The following FANCD2 variants were observed in gnomAD, a reference collection of about 807,000 sequenced individuals.
The protein encoded by FANCD2 is FA complementation group D2, also known as Fanconi anemia group D2 protein.
In FANCD2, 131 loss-of-function variants were observed where a neutral mutation model predicts 192.3. The ratio of observed to expected loss-of-function variants is 0.68; its 90% CI spans 0.59 to 0.79. The LOEUF is 0.79. Among genes scored for constraint, FANCD2 ranks in the 30% least tolerant of loss-of-function variants. The pLI, the probability that FANCD2 is intolerant of heterozygous loss-of-function variation, is 0.00. For missense variants in FANCD2, 1,508 were observed against 1,701.6 expected, an observed-to-expected ratio of 0.89 and a Z score of 2.00; for synonymous variants, 524 against 612.5, an observed-to-expected ratio of 0.86 and a Z score of 2.13.
At chr3:10,085,172 T>C (rs1407030111) in intron 32 of FANCD2, among the ~76,000 whole-genome samples, 1 of 152,124 alleles carries the variant, frequency 6.6e-6, no homozygotes, top group Non-Finnish European at 1.5e-5. Flanking sequence ...ATCTCTAAAA[T>C]ATAGGGAATG....
chr3:10,038,356 A>G (rs2086782132), intron 7 of FANCD2, among the ~76,000 whole-genome samples: 1 of 152,104 alleles, frequency 6.6e-6, no homozygotes, highest in Admixed American at 6.6e-5. Flanking sequence ...CATCCTGGCT[A>G]GTCTTTTTCA....
chr3:10,028,072 C>G (rs2124959970), intron 1 of FANCD2, among the ~76,000 whole-genome samples: 1 of 144,974 alleles, frequency 6.9e-6, no homozygotes, highest in East Asian at 2.0e-4. Context: ...AAAAAAAATT[C>G]AAGGAGATTG....
rs767496500 is a variant in FANCD2 at position 10,078,107 on chromosome 3, C to G, written c.2886C>G (p.Pro962=). The G allele has an allele frequency of 2.2e-5, 36 of 1,613,610 alleles. No individual in the cohort carries two copies. The highest frequency in any genetic ancestry group is 3.1e-5 in the Non-Finnish European group (36 of 1,179,744). Residue 962 remains proline (P), a synonymous_variant, in exon 30 of 44, where the codon CCC becomes CCG. Transcript: ENST00000675286. ...CTACAGAAGTTGTGCAACTTGGGCC[C>G]CCTGAGCTGCTTTTCTTGCTGGAAG... ...TEATEVVQLG[P]PELLFLLEDL...
At chr3:10,043,423 A>G in intron 12 of FANCD2, 61 bp from the exon 13 acceptor site, 1 of 1,369,740 alleles carries the variant, frequency 7.3e-7, no homozygotes, top group Non-Finnish European at 1.0e-6. Context: ...AGGAACTCCG[A>G]TCTTGTAAGT....
chr3:10,069,510 G>C (rs1415237750), intron 26 of FANCD2, among the ~76,000 whole-genome samples: 1 of 114,024 alleles, frequency 8.8e-6, no homozygotes, highest in Non-Finnish European at 1.6e-5. Flanking sequence ...CTCTGATGCC[G>C]AGCCAAAGCT....
chr3:10,076,656 C>A (rs1377319108), intron 29 of FANCD2, among the ~76,000 whole-genome samples: 1 of 152,096 alleles, frequency 6.6e-6, no homozygotes, highest in Non-Finnish European at 1.5e-5. Flanking sequence ...ATCAAGTGAT[C>A]CTCCCACCTC....
chr3:10,083,887 C>G (rs1421916075), intron 32 of FANCD2, among the ~76,000 whole-genome samples: 1 of 43,842 alleles, frequency 2.3e-5, no homozygotes, highest in Non-Finnish European at 4.8e-5. Flanking sequence ...GACTCCGTCT[C>G]AAAAAAAAAA....
chr3:10,071,496 C>A (rs1352953603), intron 26 of FANCD2, among the ~76,000 whole-genome samples: 1 of 152,154 alleles, frequency 6.6e-6, no homozygotes, highest in African/African-American at 2.4e-5. Context: ...CAATGGAGTA[C>A]TATTCAGCCA....
At chr3:10,072,133 A>C (rs185891324) in intron 26 of FANCD2, among the ~76,000 whole-genome samples, 3 of 152,306 alleles carry the variant, frequency 2.0e-5, no homozygotes, top group African/African-American at 4.8e-5. Flanking sequence ...AAAATAACTA[A>C]AATAGTATAA....
At chr3:10,026,571 T>G in intron 1 of FANCD2, 98 bp downstream of exon 1, 1 of 252,242 alleles carries the variant, frequency 4.0e-6, no homozygotes, top group Non-Finnish European at 6.3e-6. Flanking sequence ...CCTCTGGGGC[T>G]CCGCGCCCCG....
chr3:10,094,190 A>G, intron 39 of FANCD2, 99 bp from the exon 40 acceptor site: 3 of 857,576 alleles, frequency 3.5e-6, no homozygotes, highest in Non-Finnish European at 3.9e-6. Flanking sequence ...ATATATAAAT[A>G]AGAAAATAAA....
intron 36 of FANCD2, among the ~76,000 whole-genome samples, chr3:10,090,065 A>G (rs183259704): frequency 1.3e-5 from 2 of 152,312 alleles, no homozygotes; most frequent in African/African-American, 2.4e-5. Context: ...TGCTTTTTCC[A>G]TACTACCATA....
intron 42 of FANCD2, among the ~76,000 whole-genome samples, chr3:10,096,999 G>T (rs557900765): frequency 2.0e-4 from 30 of 152,222 alleles, no homozygotes; most frequent in Admixed American, 5.2e-4. Context: ...AAAGCTGGGC[G>T]TCCGGGGGAG....
intron 37 of FANCD2, among the ~76,000 whole-genome samples, chr3:10,091,304 C>T (rs1413722692): frequency 6.6e-6 from 1 of 151,654 alleles, no homozygotes; most frequent in Non-Finnish European, 1.5e-5. Flanking sequence ...TGGTCTTGAA[C>T]TCATAGGCTC....
intron 26 of FANCD2, among the ~76,000 whole-genome samples, chr3:10,070,235 C>T (rs1257926914): frequency 1.3e-5 from 2 of 150,794 alleles, no homozygotes; most frequent in East Asian, 4.0e-4. Flanking sequence ...GCAGCCGCCC[C>T]ATCTGAGAAG....
chr3:10,048,204 A>G, intron 16 of FANCD2, 153 bp downstream of exon 16: 1 of 955,766 alleles, frequency 1.0e-6, no homozygotes, highest in South Asian at 1.5e-5. Flanking sequence ...TGATGAAAGG[A>G]AGAGACTTGA....
rs573900454 is a variant in FANCD2 at position 10,038,139 on chromosome 3, C to T, written c.492-1140C>T. ...CCGAGTAGCTGGGATTACAGGTGTG[C>T]GCCACCACACCCAGCTAATTTTTGG... is the stretch of plus-strand genomic sequence containing the variant. On this transcript the variant is annotated intron_variant, in intron 7 of 43. Coordinates refer to ENST00000675286, the MANE Select transcript of FANCD2 (RefSeq NM_001018115.3). 5.3e-5 allele frequency among the ~76,000 whole-genome samples: 8 copies of T among 152,066 alleles called. No individual in the cohort carries two copies. In the South Asian group the frequency reaches 1.0e-3, roughly 20 times the overall value.
chr3:10,087,269 T>C lies in FANCD2; in HGVS notation c.3466+5T>C. On this transcript the variant is annotated splice_donor_5th_base_variant and intron_variant, in intron 34 of 43. Transcript: ENST00000675286. Reference sequence around the variant, plus strand: ...CTCAGAACAAAGAAAAAATTGGTGATGGGCCTAGATCCTTTTTTTTTTTTT... The same window carrying C: ...CTCAGAACAAAGAAAAAATTGGTGACGGGCCTAGATCCTTTTTTTTTTTTT... The C allele has an allele frequency of 6.4e-7, 1 of 1,564,282 alleles. No individual in the cohort carries two copies.
At chr3:10,084,270 G>C (rs1349707860) in intron 32 of FANCD2, among the ~76,000 whole-genome samples, 1 of 150,376 alleles carries the variant, frequency 6.6e-6, no homozygotes, top group Admixed American at 6.6e-5. Context: ...GGGATTACAG[G>C]TGTGAGCCAC....
Sources: allele counts gnomAD v4.1 joint callset (sites outside exome capture counted in the v4.1 genomes callset), GRCh38; gene constraint gnomAD v4.1.1; transcripts MANE v1.5; gene names NCBI Gene and HGNC (gene_info 2026-07-23, HGNC 2026-07-21).